Variants in PCBP3 observed in about 807,000 individuals in gnomAD.
PCBP3 encodes poly(rC) binding protein 3, also known as poly(rC)-binding protein 3.
In PCBP3, 25 loss-of-function variants were observed where a neutral mutation model predicts 52.7. The observed-to-expected ratio is 0.47, with a 90% CI of 0.35 to 0.66. The LOEUF (loss-of-function observed/expected upper bound fraction) is 0.66, where lower values mean the gene tolerates loss of function less well. PCBP3 is among the 30% of genes least tolerant of loss of function. PCBP3 has a pLI of 0.01. For synonymous variants in PCBP3, 162 were observed against 183.0 expected (o/e 0.89, Z 0.93); for missense variants, 391 against 490.3 (o/e 0.80, Z 1.91).
At chr21:45,745,745 G>C (rs1231717767) in intron 3 of PCBP3, among the ~76,000 whole-genome samples, 1 of 152,238 alleles carries the variant, frequency 6.6e-6, no homozygotes, top group Non-Finnish European at 1.5e-5. Flanking sequence ...GACAGGGGAA[G>C]AGCTTCTGCC....
At chr21:45,775,449 A>G (rs2090183792) in intron 4 of PCBP3, among the ~76,000 whole-genome samples, 1 of 151,546 alleles carries the variant, frequency 6.6e-6, no homozygotes, top group African/African-American at 2.4e-5. Context: ...ACAGGGTCTC[A>G]CTCTGTTACC....
intron 4 of PCBP3, among the ~76,000 whole-genome samples, chr21:45,804,667 C>T (rs1242669752): frequency 6.6e-6 from 1 of 152,146 alleles, no homozygotes; most frequent in African/African-American, 2.4e-5. Flanking sequence ...TGTGTCCACG[C>T]ACCAGGCATT....
At chr21:45,859,157 C>T (rs2094419901) in intron 5 of PCBP3, among the ~76,000 whole-genome samples, 1 of 152,232 alleles carries the variant, frequency 6.6e-6, no homozygotes, top group African/African-American at 2.4e-5. Flanking sequence ...TGCTTGTCCA[C>T]TCCTTTGCTG....
intron 5 of PCBP3, among the ~76,000 whole-genome samples, chr21:45,858,076 A>G (rs2094372795): frequency 6.6e-6 from 1 of 152,012 alleles, no homozygotes; most frequent in Non-Finnish European, 1.5e-5. Flanking sequence ...AGCCTCATGG[A>G]CCTCCCTTAC....
At chr21:45,811,626 C>A (rs988611280) in intron 4 of PCBP3, among the ~76,000 whole-genome samples, 1 of 152,196 alleles carries the variant, frequency 6.6e-6, no homozygotes, top group South Asian at 2.1e-4. Flanking sequence ...CCCTTTCTAC[C>A]TGCTAATATT....
chr21:45,923,651 C>T (rs994619710), intron 13 of PCBP3, among the ~76,000 whole-genome samples: 1 of 152,102 alleles, frequency 6.6e-6, no homozygotes, highest in Non-Finnish European at 1.5e-5. Context: ...AGTTGGAAGC[C>T]CAGGGGAGAC....
intron 5 of PCBP3, chr21:45,872,200 C>CT (rs1270331914): frequency 2.0e-5 from 3 of 152,330 alleles, no homozygotes; most frequent in African/African-American, 7.2e-5. Flanking sequence ...TAGACCCAGG[C>CT]TTTTTCTCCA....
chr21:45,824,403 G>A (rs563299440), intron 4 of PCBP3, among the ~76,000 whole-genome samples: 2 of 152,212 alleles, frequency 1.3e-5, no homozygotes, highest in Non-Finnish European at 2.9e-5. Flanking sequence ...TGTCAGAAAG[G>A]TTGGCTTTAG....
At chr21:45,682,242 C>A (rs940762587) in intron 2 of PCBP3, among the ~76,000 whole-genome samples, 1 of 152,128 alleles carries the variant, frequency 6.6e-6, no homozygotes, top group Non-Finnish European at 1.5e-5. Flanking sequence ...CTATGAACAC[C>A]CAGGGAATTC....
At chr21:45,926,789 A>G (rs1349745441) in intron 13 of PCBP3, among the ~76,000 whole-genome samples, 3 of 148,594 alleles carry the variant, frequency 2.0e-5, no homozygotes, top group Non-Finnish European at 4.6e-5. Flanking sequence ...ATATAGAAGA[A>G]TGTCCTATTC....
chr21:45,804,852 G>A (rs896082481), intron 4 of PCBP3, among the ~76,000 whole-genome samples: 4 of 152,138 alleles, frequency 2.6e-5, no homozygotes, highest in Admixed American at 1.3e-4. Context: ...GATTGCCCCC[G>A]AGAGAGGCAG....
At chr21:45,645,282 G>A (rs2079182444) in intron 1 of PCBP3, among the ~76,000 whole-genome samples, 1 of 151,934 alleles carries the variant, frequency 6.6e-6, no homozygotes, top group Non-Finnish European at 1.5e-5. Context: ...TTTATACAGT[G>A]CAAGTTCATT....
At chr21:45,858,937 A>G (rs2094409695) in intron 5 of PCBP3, 1 of 152,242 alleles carries the variant, frequency 6.6e-6, no homozygotes, top group African/African-American at 2.4e-5. Flanking sequence ...GCCACCATGT[A>G]AGACGTCCCT....
chr21:45,856,847 A>G (rs1317021827), intron 5 of PCBP3, among the ~76,000 whole-genome samples: 1 of 152,204 alleles, frequency 6.6e-6, no homozygotes, highest in African/African-American at 2.4e-5. Context: ...TACATTTAAC[A>G]AATACATTGG....
At chr21:45,889,804 C>G (rs1170795189) in intron 5 of PCBP3, among the ~76,000 whole-genome samples, 1 of 152,252 alleles carries the variant, frequency 6.6e-6, no homozygotes, top group Admixed American at 6.5e-5. Context: ...CAGGGAACAG[C>G]TTTCAAGTAC....
rs1480929242 is a variant in PCBP3 at position 45,649,677 on chromosome 21, C to T, written c.-279+5809C>T. Among the ~76,000 whole-genome samples the T allele has an allele frequency of 2.6e-5, 4 of 151,614 alleles. 1 individual carries two copies. The East Asian group carries it at 7.8e-4, about 29-fold the overall frequency. The stretch of plus-strand genomic sequence containing the variant: ...AAATCTTTTATTGATCTTTTTTTGT[C>T]TTTTTTCCTTTGCTTGGACCACTAG... On this transcript the variant is annotated intron_variant, in intron 1 of 17. Transcript: ENST00000681687.
chr21:45,834,854 G>A (rs899923807), intron 4 of PCBP3, among the ~76,000 whole-genome samples: 1 of 152,248 alleles, frequency 6.6e-6, no homozygotes, highest in African/African-American at 2.4e-5. Flanking sequence ...GCCCAGGAAT[G>A]CCCACTTCTG....
At chr21:45,818,370 G>T (rs960593343) in intron 4 of PCBP3, among the ~76,000 whole-genome samples, 1 of 152,118 alleles carries the variant, frequency 6.6e-6, no homozygotes, top group Non-Finnish European at 1.5e-5. Context: ...GGCTCACTGT[G>T]TTGAACACAG....
intron 16 of PCBP3, among the ~76,000 whole-genome samples, chr21:45,936,266 G>A (rs1406222603): frequency 1.3e-5 from 2 of 152,226 alleles, no homozygotes. Flanking sequence ...GTCGCCAGAG[G>A]AATGGACCAT....
Sources: allele counts gnomAD v4.1 joint callset (sites outside exome capture counted in the v4.1 genomes callset), GRCh38; gene constraint gnomAD v4.1.1; transcripts MANE v1.5; gene names NCBI Gene and HGNC (gene_info 2026-07-23, HGNC 2026-07-21).